Variants in IL18BP observed in about 807,000 individuals in gnomAD.
IL18BP encodes the protein interleukin-18-binding protein.
In IL18BP, 23 loss-of-function variants were observed where a neutral mutation model predicts 19.9. The observed-to-expected ratio is 1.15, with a 90% CI of 0.83 to 1.64. The LOEUF (loss-of-function observed/expected upper bound fraction) is 1.64, where lower values mean the gene tolerates loss of function less well. Ranked by LOEUF, IL18BP falls within the 40% of genes most tolerant of loss-of-function variation. The pLI is 0.00. For missense variants in IL18BP, 239 were observed against 240.7 expected, an observed-to-expected ratio of 0.99 and a Z score of 0.05; for synonymous variants, 107 against 101.0, an observed-to-expected ratio of 1.06 and a Z score of -0.35.
rs111625248 is a variant in IL18BP at position 72,001,315 on chromosome 11, G to A, written c.350G>A (p.Gly117Glu). 65 of 1,614,222 alleles carry A rather than the reference G, an allele frequency of 4.0e-5. 1 individual carries two copies. Among genetic ancestry groups the A allele is most frequent in the African/African-American group, 3.7e-4 (28 of 75,066 alleles). Residue 117 changes from glycine to glutamate, a missense_variant, in exon 4 of 6, where the codon GGG (glycine) becomes GAG (glutamate). Coordinates refer to ENST00000393703, the MANE Select transcript of IL18BP (RefSeq NM_001039660.2). Reference protein sequence around the residue: ...IEHLPGRLWEGSTSRERGSTG... With the variant: ...IEHLPGRLWEESTSRERGSTG... ...CACCTCCCAGGCCGACTGTGGGAGGGGAGCACCAGGTGAGGGTCGCAGCAG... is the reference window on the plus strand; with the variant it reads ...CACCTCCCAGGCCGACTGTGGGAGGAGAGCACCAGGTGAGGGTCGCAGCAG...
downstream of IL18BP, among the ~76,000 whole-genome samples, chr11:72,006,679 C>T (rs1463032221): frequency 6.6e-6 from 1 of 152,214 alleles, no homozygotes; most frequent in African/African-American, 2.4e-5. Context: ...TCCAAACTTC[C>T]AGGGCCCTTA....
At position 72,002,696 on chromosome 11, in the gene IL18BP, C is replaced by A. The variant is rs1955337313; in HGVS notation, c.*835C>A. The A allele has an allele frequency of 5.7e-6, 1 of 175,692 alleles. No individual in the cohort carries two copies. Among genetic ancestry groups the A allele is most frequent in the African/African-American group, 2.4e-5 (1 of 42,286 alleles). The allele number at this position is 175,692 out of a possible 1,614,324, so 10.9% of individuals were successfully genotyped here. A position where few individuals can be genotyped will look rare whatever the true frequency, so the allele number is the denominator to read the frequency against. ...AAAAGAGAGAACAGCCCATAATGCT[C>A]CCCGGGAGCAGAGGCCACTAATGGA... On this transcript the variant is annotated 3_prime_UTR_variant, in exon 6 of 6. Coordinates refer to ENST00000393703, the MANE Select transcript of IL18BP (RefSeq NM_001039660.2).
rs533526600 is a variant in IL18BP, at chr11:72,001,413, G to T, written c.368G>T (p.Arg123Leu). The part of the protein sequence containing the change: ...RLWEGSTSRE[R>L]GSTGTQLCKA... ...CTTCCCTTCCGCTCCAGCCGGGAAC[G>T]TGGGAGCACAGGTACGCAGCTGTGC... is the stretch of plus-strand genomic sequence containing the variant. Residue 123 changes from arginine to leucine, a missense_variant, in exon 5 of 6, where the codon CGT (arginine) becomes CTT (leucine). Transcript: ENST00000393703. The T allele has an allele frequency of 6.2e-7, 1 of 1,614,148 alleles. No individual in the cohort carries two copies. Among genetic ancestry groups the T allele is most frequent in the Admixed American group, 1.7e-5 (1 of 60,026 alleles).
intron 2 of IL18BP, 102 bp downstream of exon 2, chr11:72,000,114 C>A: frequency 7.9e-7 from 1 of 1,271,714 alleles, no homozygotes; most frequent in Non-Finnish European, 1.1e-6. Context: ...GGCAAACCAC[C>A]CAGCGCACCT....
downstream of IL18BP, chr11:72,003,354 G>T: frequency 1.5e-6 from 1 of 667,826 alleles, no homozygotes; most frequent in African/African-American, 1.8e-5. Flanking sequence ...CCGAGAAGGC[G>T]CCAGTGAAGG....
At chr11:72,004,289 T>C (rs771211160), downstream of IL18BP, 33 of 1,613,378 alleles carry the variant, frequency 2.0e-5, no homozygotes, top group Non-Finnish European at 2.7e-5. Flanking sequence ...GCGCCCTTCA[T>C]GTCGGTCTCG....
chr11:71,999,984 C>T lies in IL18BP; in HGVS notation c.-1C>T, dbSNP rs760902660. 9.9e-6 allele frequency: 16 copies of T among 1,613,752 alleles called. No individual in the cohort carries two copies. In the Admixed American group the frequency reaches 1.7e-4, roughly 17 times the overall value. ...GCTCACCAGCTCCTGACGCATGCAT[C>T]ATGACCATGAGACACAACTGGACAC... is the stretch of plus-strand genomic sequence containing the variant. On this transcript the variant is annotated 5_prime_UTR_variant, in exon 2 of 6. Coordinates refer to ENST00000393703, the MANE Select transcript of IL18BP (RefSeq NM_001039660.2).
chr11:72,007,805 G>A (rs867324370), downstream of IL18BP: 57 of 365,016 alleles, frequency 1.6e-4, no homozygotes, highest in African/African-American at 9.8e-4. Flanking sequence ...AGCCATGAAC[G>A]TGGGCATAAT....
downstream of IL18BP, chr11:72,003,317 C>G (rs530190272): frequency 3.3e-6 from 2 of 603,636 alleles, no homozygotes; most frequent in South Asian, 2.0e-5. Context: ...CCCACACTGT[C>G]CATGCTCCAG....
Position 72,001,492 on chromosome 11 carries a change from CTG to C in IL18BP, c.452_453del (p.Val151AlafsTer5). 6.2e-7 allele frequency: 1 copy of C among 1,614,072 alleles called. No individual in the cohort carries two copies. The highest frequency in any genetic ancestry group is 8.5e-7 in the Non-Finnish European group (1 of 1,179,964). ...TPALHSTNFS[C>X]VLVDPEQVVQ... Reference sequence around the variant, plus strand: ...CTGCCCTGCACAGCACCAACTTCTCCTGTGTGCTCGTGGACCCTGAACAGGTT... The same window carrying C: ...CTGCCCTGCACAGCACCAACTTCTCCTGTGCTCGTGGACCCTGAACAGGTT... On this transcript the variant is annotated frameshift_variant, in exon 5 of 6. Coordinates refer to ENST00000393703, the MANE Select transcript of IL18BP (RefSeq NM_001039660.2). LOFTEE classifies it high-confidence loss of function.
downstream of IL18BP, chr11:72,007,110 G>A: frequency 1.3e-6 from 2 of 1,539,558 alleles, no homozygotes; most frequent in Non-Finnish European, 1.8e-6. Flanking sequence ...CCCTGCTCCT[G>A]ACTGAGTGCC....
downstream of IL18BP, chr11:72,002,865 C>T (rs984612539): frequency 2.8e-5 from 6 of 214,160 alleles, no homozygotes; most frequent in African/African-American, 1.4e-4. Flanking sequence ...ACTCAGTACT[C>T]ACGGGAGAAA....
downstream of IL18BP, chr11:72,003,577 C>A: frequency 3.1e-6 from 5 of 1,613,638 alleles, no homozygotes; most frequent in Non-Finnish European, 4.2e-6. Context: ...TGAGAACTTG[C>A]GATACTAGCC....
chr11:72,004,848 A>C (rs768447015), downstream of IL18BP: 3 of 1,534,440 alleles, frequency 2.0e-6, no homozygotes, highest in African/African-American at 4.2e-5. Context: ...TCAGTGGACC[A>C]TAGCTGTATG....
At chr11:72,004,037 G>C (rs1337330457), downstream of IL18BP, 3 of 1,613,754 alleles carry the variant, frequency 1.9e-6, no homozygotes, top group Non-Finnish European at 2.5e-6. Context: ...GCCGCAGAAG[G>C]CTGTTCCCTA....
At chr11:72,006,261 C>T, downstream of IL18BP, 1 of 1,613,492 alleles carries the variant, frequency 6.2e-7, no homozygotes, top group Non-Finnish European at 8.5e-7. Flanking sequence ...CCACATCTAG[C>T]TTCTGGAAGA....
intron 1 of IL18BP, 78 bp from the exon 2 acceptor site, chr11:71,999,849 A>G: frequency 3.9e-6 from 3 of 772,322 alleles, no homozygotes; most frequent in Non-Finnish European, 6.5e-6. Context: ...CGGGAGGAGA[A>G]GCCAGCTACT....
chr11:72,008,064 T>G (rs578231104), downstream of IL18BP: 1 of 470,682 alleles, frequency 2.1e-6, no homozygotes, highest in Admixed American at 2.4e-5. Context: ...CCCAGATTCA[T>G]CTGTTAAAGG....
At position 72,001,965 on chromosome 11, in the gene IL18BP, C is replaced by G. The variant is rs1062452; in HGVS notation, c.*104C>G. The G allele has an allele frequency of 4.7e-6, 7 of 1,491,274 alleles. No individual in the cohort carries two copies. In the Admixed American group the frequency reaches 6.1e-5, roughly 13 times the overall value. 92.4% of individuals were successfully genotyped at this position (1,491,274 alleles called of 1,614,324 possible). On this transcript the variant is annotated 3_prime_UTR_variant, in exon 6 of 6. Transcript: ENST00000393703. ...TGACTGCCTGTAGGCTGCGTGGATG[C>G]GCAACACACCCCCTCCTTCTCTGCT... is the stretch of plus-strand genomic sequence containing the variant.
Sources: gnomAD v4.1 joint callset for allele counts (sites outside exome capture counted in the v4.1 genomes callset) on GRCh38, gnomAD v4.1.1 for gene constraint, MANE v1.5 for transcripts, NCBI Gene and HGNC (gene_info 2026-07-23, HGNC 2026-07-21) for gene names.